PTPRF: variants seen among roughly 807,000 people sequenced by gnomAD.
PTPRF encodes the protein protein tyrosine phosphatase receptor type F.
Under a neutral mutation model 201.8 loss-of-function variants are expected in PTPRF, and 59 were observed. The observed-to-expected ratio is 0.29, with a 90% confidence interval of 0.24 to 0.36. The LOEUF is 0.36. PTPRF is among the 10% of genes least tolerant of loss of function. PTPRF has a pLI of 1.00. For synonymous variants in PTPRF, 1,088 were observed against 1,089.7 expected, an observed-to-expected ratio of 1.00 and a Z score of 0.03; for missense variants, 2,132 against 2,690.5, an observed-to-expected ratio of 0.79 and a Z score of 4.59.
intron 19 of PTPRF, 83 bp from the exon 20 acceptor site, chr1:43,606,157 G>C (rs1346601942): frequency 1.4e-6 from 2 of 1,448,428 alleles, no homozygotes; most frequent in East Asian, 4.6e-5. Context: ...CTCGGCCCAG[G>C]GAGCTGACAT....
At chr1:43,541,609 T>A (rs1040062025) in intron 2 of PTPRF, among the ~76,000 whole-genome samples, 2 of 152,136 alleles carry the variant, frequency 1.3e-5, no homozygotes, top group Admixed American at 1.3e-4. Flanking sequence ...GTAAAGGCAT[T>A]ATAAAAAAAC....
intron 2 of PTPRF, among the ~76,000 whole-genome samples, chr1:43,543,847 C>T (rs148757199): frequency 6.6e-5 from 10 of 152,340 alleles, no homozygotes; most frequent in East Asian, 5.8e-4. Context: ...TGCTCTGTTG[C>T]GTCTTCACAG....
Position 43,553,403 on chromosome 1 carries a change from TTCTC to T in PTPRF, c.92-85_92-82del. On this transcript the variant is annotated intron_variant, in intron 3 of 33. Transcript: ENST00000359947. This position sits in a 1 kb window ranked among gnomAD's most constrained non-coding sequence, Gnocchi z 4.1. ...GTGTCCTTGTTTTCTTTGTAGGTCT[TTCTC>T]TCTGCCCCCATGACTGCCACCTTCC... 1 of 1,420,564 alleles carries T rather than the reference TTCTC, an allele frequency of 7.0e-7. No homozygotes were observed. Among genetic ancestry groups the T allele is most frequent in the Non-Finnish European group, 9.7e-7 (1 of 1,034,942 alleles). 88.0% of individuals were successfully genotyped at this position (1,420,564 alleles called of 1,614,324 possible).
chr1:43,568,822 G>T (rs1646366698), intron 5 of PTPRF, among the ~76,000 whole-genome samples: 1 of 152,196 alleles, frequency 6.6e-6, no homozygotes, highest in African/African-American at 2.4e-5. Flanking sequence ...AGCAAGCTGG[G>T]AGAAGGCAGC....
chr1:43,576,047 T>A, intron 6 of PTPRF: 1 of 910,038 alleles, frequency 1.1e-6, no homozygotes, highest in Non-Finnish European at 1.6e-6. Flanking sequence ...CCTCCTCATC[T>A]CCAGCTCCAG....
intron 7 of PTPRF, chr1:43,579,312 C>T (rs1235944527): frequency 2.3e-6 from 1 of 434,816 alleles, no homozygotes; most frequent in Non-Finnish European, 4.7e-6. Flanking sequence ...CCTGGCTTTC[C>T]TTCAGTACAT....
At chr1:43,607,899 C>T (rs1655526839) in intron 21 of PTPRF, among the ~76,000 whole-genome samples, 1 of 152,276 alleles carries the variant, frequency 6.6e-6, no homozygotes, top group Non-Finnish European at 1.5e-5. Context: ...GCAAACGCAG[C>T]TGGGCCTGTG....
At chr1:43,525,839 C>T (rs1643087508), upstream of PTPRF, among the ~76,000 whole-genome samples, 1 of 135,020 alleles carries the variant, frequency 7.4e-6, no homozygotes, top group Admixed American at 7.5e-5. Context: ...AGAGCAACAT[C>T]AGTGAAAGCC....
Position 43,569,660 on chromosome 1 carries a change from C to T in PTPRF, c.450C>T (p.Arg150=). ...GPQLKVVEKA[R]TATMLCAAGG... Reference sequence around the variant, plus strand: ...AGCTGAAGGTGGTGGAGAAGGCACGCACAGCCACCATGCTATGTGCCGCAG... The same window carrying T: ...AGCTGAAGGTGGTGGAGAAGGCACGTACAGCCACCATGCTATGTGCCGCAG... Residue 150 remains arginine (R), a synonymous_variant, in exon 6 of 34, where the codon CGC becomes CGT. Transcript: ENST00000359947. 2 of 1,614,002 alleles carry T rather than the reference C, an allele frequency of 1.2e-6. No individual in the cohort carries two copies. The highest frequency in any genetic ancestry group is 1.7e-6 in the Non-Finnish European group (2 of 1,179,912).
At position 43,553,425 on chromosome 1, in the gene PTPRF, C is replaced by CA. The variant is rs1357451316; in HGVS notation, c.92-66dup. 51 of 1,517,650 alleles carry CA rather than the reference C, an allele frequency of 3.4e-5. 1 individual carries two copies. Among genetic ancestry groups the CA allele is most frequent in the Non-Finnish European group, 4.6e-5 (51 of 1,111,514 alleles). The allele number at this position is 1,517,650 out of a possible 1,614,324, so 94.0% of individuals were successfully genotyped here. The stretch of plus-strand genomic sequence containing the variant: ...TCTTTCTCTCTGCCCCCATGACTGC[C>CA]ACCTTCCTCACTGGCCATTCCTATA... On this transcript the variant is annotated intron_variant, in intron 3 of 33. Coordinates refer to ENST00000359947, the MANE Select transcript of PTPRF (RefSeq NM_002840.5). This position sits in a 1 kb window ranked among gnomAD's most constrained non-coding sequence, Gnocchi z 4.1.
intron 6 of PTPRF, among the ~76,000 whole-genome samples, chr1:43,575,109 G>C (rs2153992905): frequency 6.6e-6 from 1 of 152,338 alleles, no homozygotes; most frequent in South Asian, 2.1e-4. Flanking sequence ...GGAAGGCAGT[G>C]GTTGCACAGG....
rs752561040 is a variant in PTPRF at position 43,597,833 on chromosome 1, C to T, written c.1899C>T (p.Asp633=). 1.2e-6 allele frequency: 2 copies of T among 1,608,688 alleles called. No individual in the cohort carries two copies. Among genetic ancestry groups the T allele is most frequent in the Non-Finnish European group, 1.7e-6 (2 of 1,178,130 alleles). ...VRVSWVPPPA[D]SRNGVITQYS... is the part of the protein sequence containing the mutation. ...TAAGTTGGGTCCCGCCGCCTGCCGA[C>T]AGCCGCAACGGCGTTATCACCCAGT... is the stretch of plus-strand genomic sequence containing the variant. The change falls in exon 12 of 34, where the codon GAC becomes GAT. Residue 633 remains aspartate, a synonymous_variant. Transcript: ENST00000359947.
At position 43,546,490 on chromosome 1, in the gene PTPRF, A is replaced by C. The variant is rs968941447; in HGVS notation, c.91+1324A>C. 2.0e-5 allele frequency among the ~76,000 whole-genome samples: 3 copies of C among 152,130 alleles called. No homozygotes were observed. Among genetic ancestry groups the C allele is most frequent in the African/African-American group, 7.2e-5 (3 of 41,408 alleles). On this transcript the variant is annotated intron_variant, in intron 3 of 33. Coordinates refer to ENST00000359947, the MANE Select transcript of PTPRF (RefSeq NM_002840.5). The surrounding 1 kb of genome is among the most constrained non-coding windows in gnomAD (Gnocchi z 4.2). ...TAGAAAGCCTTATCAGGTGTGACCCACATGGTTGGCAGGAAGGTGAAGGCT... is the reference window on the plus strand; with the variant it reads ...TAGAAAGCCTTATCAGGTGTGACCCCCATGGTTGGCAGGAAGGTGAAGGCT...
intron 16 of PTPRF, 95 bp downstream of exon 16, chr1:43,604,284 A>T: frequency 7.6e-7 from 1 of 1,307,556 alleles, no homozygotes; most frequent in Non-Finnish European, 1.0e-6. Context: ...ACTGTGATCC[A>T]CCAGCCTCTG....
intron 23 of PTPRF, among the ~76,000 whole-genome samples, chr1:43,615,355 T>G (rs1288188479): frequency 2.6e-5 from 4 of 152,124 alleles, no homozygotes; most frequent in Admixed American, 1.3e-4. Flanking sequence ...ACACCTGCCC[T>G]TCCTTCCAGC....
At chr1:43,558,938 G>C (rs189543698) in intron 5 of PTPRF, among the ~76,000 whole-genome samples, 1 of 152,336 alleles carries the variant, frequency 6.6e-6, no homozygotes, top group Non-Finnish European at 1.5e-5. Flanking sequence ...GGTGTGGGGA[G>C]GGCACTGATG....
intron 13 of PTPRF, 73 bp downstream of exon 13, chr1:43,598,986 A>G: frequency 6.7e-7 from 1 of 1,496,482 alleles, no homozygotes; most frequent in Non-Finnish European, 9.1e-7. Flanking sequence ...TTTGGGGCCC[A>G]GATATGTCCC....
upstream of PTPRF, among the ~76,000 whole-genome samples, chr1:43,529,294 T>C (rs1410788513): frequency 2.0e-5 from 3 of 152,170 alleles, no homozygotes; most frequent in Admixed American, 6.5e-5. Context: ...CCCCTCCTCA[T>C]ACGCCAGGGG....
At chr1:43,528,049 G>T (rs114887417), upstream of PTPRF, among the ~76,000 whole-genome samples, 260 of 152,326 alleles carry the variant, frequency 1.7e-3, 3 homozygotes, top group African/African-American at 5.8e-3. Context: ...TGCCTGCAAG[G>T]AACTGCTGTC....
Sources: allele counts gnomAD v4.1 joint callset (sites outside exome capture counted in the v4.1 genomes callset), GRCh38; gene constraint gnomAD v4.1.1; non-coding constraint Gnocchi (gnomAD v3.1); transcripts MANE v1.5; gene names NCBI Gene and HGNC (gene_info 2026-07-23, HGNC 2026-07-21).